PDE4A: variants seen among roughly 807,000 people sequenced by gnomAD.
PDE4A encodes 3',5'-cyclic-AMP phosphodiesterase 4A.
PDE4A carries 21 observed loss-of-function variants against 73.9 expected under a neutral mutation model. The ratio of observed to expected loss-of-function variants is 0.28; its 90% CI spans 0.20 to 0.41. The LOEUF (loss-of-function observed/expected upper bound fraction) is 0.41. Ranked by LOEUF, PDE4A falls within the 10% of genes least tolerant of loss-of-function variation. The probability of loss-of-function intolerance (pLI) is 1.00; values close to 1 mark genes in which losing one functional copy is unlikely to be tolerated. For missense variants in PDE4A, 958 were observed against 1,211.4 expected (o/e 0.79, Z 3.10); for synonymous variants, 463 against 505.4 (o/e 0.92, Z 1.13).
Position 10,437,807 on chromosome 19 carries a change from G to GTTT in PDE4A, c.321-8398_321-8396dup, listed in dbSNP as rs35319180. Among the ~76,000 whole-genome samples, 210 of 128,068 alleles carry GTTT rather than the reference G, an allele frequency of 1.6e-3. 1 individual carries two copies. Among genetic ancestry groups the GTTT allele is most frequent in the East Asian group, 4.7e-3 (21 of 4,442 alleles). 84.0% of individuals were successfully genotyped at this position (128,068 alleles called of 152,430 possible). ...ATCACCACCATCCATCTCCAGGACT[G>GTTT]TTTTTTTTTTTTTTTGAGACAGGGT... On this transcript the variant is annotated intron_variant, in intron 1 of 14. Coordinates refer to ENST00000380702, the MANE Select transcript of PDE4A (RefSeq NM_001111307.2).
At position 10,457,996 on chromosome 19, in the gene PDE4A, T is replaced by C; in HGVS notation, c.995T>C (p.Met332Thr). ...PPPPVPHLQP[M>T]SQITGLKKLM... Reference sequence around the variant, plus strand: ...CCCCCTGTACCACACTTACAGCCCATGTCCCAAATCACAGGGTTGAAAAAG... The same window carrying C: ...CCCCCTGTACCACACTTACAGCCCACGTCCCAAATCACAGGGTTGAAAAAG... Residue 332 changes from methionine (M) to threonine (T), a missense_variant, in exon 8 of 15, where the codon ATG (methionine) becomes ACG (threonine). Coordinates refer to ENST00000380702, the MANE Select transcript of PDE4A (RefSeq NM_001111307.2). The C allele has an allele frequency of 1.3e-6, 2 of 1,584,658 alleles. No individual in the cohort carries two copies. The highest frequency in any genetic ancestry group is 1.7e-6 in the Non-Finnish European group (2 of 1,153,450).
At chr19:10,430,425 C>T (rs1467506867) in intron 1 of PDE4A, among the ~76,000 whole-genome samples, 5 of 151,686 alleles carry the variant, frequency 3.3e-5, no homozygotes, top group African/African-American at 4.8e-5. Flanking sequence ...GGGGGGGTAC[C>T]CCTGGACTTC....
intron 14 of PDE4A, among the ~76,000 whole-genome samples, chr19:10,466,066 A>G (rs1159555348): frequency 1.4e-5 from 2 of 146,256 alleles, no homozygotes; most frequent in Admixed American, 6.9e-5. Context: ...GCAATGGCAC[A>G]ATCTCGGCTC....
intron 6 of PDE4A, among the ~76,000 whole-genome samples, chr19:10,452,239 A>T (rs2043102703): frequency 6.6e-6 from 1 of 151,744 alleles, no homozygotes; most frequent in Non-Finnish European, 1.5e-5. Flanking sequence ...CGGGAGTTCG[A>T]GCAGCCTGAC....
chr19:10,438,070 A>G (rs2042888660), intron 1 of PDE4A, among the ~76,000 whole-genome samples: 1 of 151,368 alleles, frequency 6.6e-6, no homozygotes, highest in African/African-American at 2.4e-5. Flanking sequence ...GGGCCTCCCA[A>G]AGTGCTGGGA....
At chr19:10,418,468 T>C (rs540772232), upstream of PDE4A, among the ~76,000 whole-genome samples, 5 of 149,670 alleles carry the variant, frequency 3.3e-5, no homozygotes, top group Admixed American at 6.7e-5. Context: ...CCCCATGCCC[T>C]CCTCTGGTCA....
rs2043388579 is a variant in PDE4A at position 10,467,139 on chromosome 19, C to T, written c.2179C>T (p.Pro727Ser). Residue 727 changes from proline to serine, a missense_variant, in exon 15 of 15, where the codon CCG becomes TCG. Physicochemically the swap from Pro to Ser is moderately conservative, Grantham distance 74 (BLOSUM62 -1). Coordinates refer to ENST00000380702, the MANE Select transcript of PDE4A (RefSeq NM_001111307.2). ...EEEEISMAQI[P>S]CTAQEALTAQ... Reference sequence around the variant, plus strand: ...GGAAGAAATATCAATGGCCCAGATACCGTGCACAGCCCAAGAGGCATTGAC... The same window carrying T: ...GGAAGAAATATCAATGGCCCAGATATCGTGCACAGCCCAAGAGGCATTGAC... 1.2e-6 allele frequency: 2 copies of T among 1,614,196 alleles called. No homozygotes were observed. Among genetic ancestry groups the T allele is most frequent in the East Asian group, 4.5e-5 (2 of 44,880 alleles).
At chr19:10,429,279 G>GAAGAAAGAAAGA (rs201177635) in intron 1 of PDE4A, among the ~76,000 whole-genome samples, 5 of 120,278 alleles carry the variant, frequency 4.2e-5, no homozygotes, top group South Asian at 6.0e-4. Context: ...AGGAAGGAAG[G>GAAGAAAGAAAGA]AAGAAAGAAA....
At chr19:10,457,824 G>A in intron 7 of PDE4A, 55 bp from the exon 8 acceptor site, 1 of 1,600,916 alleles carries the variant, frequency 6.2e-7, no homozygotes, top group Non-Finnish European at 8.5e-7. Context: ...GAATAAGGGA[G>A]CCTCCAGGGG....
intron 1 of PDE4A, chr19:10,432,418 G>T: frequency 7.1e-7 from 1 of 1,406,626 alleles, no homozygotes; most frequent in Non-Finnish European, 9.2e-7. Flanking sequence ...GCGCCCCGAC[G>T]ACGGCGCTTG....
At chr19:10,430,975 C>T in intron 1 of PDE4A, 1 of 1,553,008 alleles carries the variant, frequency 6.4e-7, no homozygotes, top group Middle Eastern at 1.7e-4. Context: ...CGCCCGCGTT[C>T]GCCGCCCTCC....
chr19:10,467,805 CT>C lies in PDE4A; in HGVS notation c.*191del. 8 of 442,712 alleles carry C rather than the reference CT, an allele frequency of 1.8e-5. No individual in the cohort carries two copies. The highest frequency in any genetic ancestry group is 2.7e-5 in the Non-Finnish European group (7 of 258,040). The allele number at this position is 442,712 out of a possible 1,614,324, so 27.4% of individuals were successfully genotyped here. The stretch of plus-strand genomic sequence containing the variant: ...TTCCCCCTGCCCCCACCCACGGGGC[CT>C]TTTTTTGGAGGTGGGGGCTGGGGAA... On this transcript the variant is annotated 3_prime_UTR_variant, in exon 15 of 15. Transcript: ENST00000380702.
intron 6 of PDE4A, among the ~76,000 whole-genome samples, chr19:10,452,662 A>G (rs1312122433): frequency 6.6e-6 from 1 of 151,490 alleles, no homozygotes; most frequent in African/African-American, 2.4e-5. Context: ...AAAGCATTTG[A>G]GTATCTGTGT....
chr19:10,459,456 T>G lies in PDE4A; in HGVS notation c.1158T>G (p.Ala386=), dbSNP rs1254986554. 6.2e-7 allele frequency: 1 copy of G among 1,614,204 alleles called. No individual in the cohort carries two copies. Among genetic ancestry groups the G allele is most frequent in the Non-Finnish European group, 8.5e-7 (1 of 1,180,008 alleles). The change falls in exon 9 of 15, where the codon GCT becomes GCG. Residue 386 remains alanine (A), a synonymous_variant. Transcript: ENST00000380702. ...GLNIFCVSDY[A]GGRSLTCIMY... is the part of the protein sequence containing the mutation. ...ACATCTTTTGCGTGTCGGATTACGC[T>G]GGAGGCCGCTCACTCACCTGCATCA...
Position 10,424,681 on chromosome 19 carries a change from C to T in PDE4A, c.320+3597C>T, listed in dbSNP as rs1294078464. On this transcript the variant is annotated intron_variant, in intron 1 of 14. Coordinates refer to ENST00000380702, the MANE Select transcript of PDE4A (RefSeq NM_001111307.2). This position sits in a 1 kb window ranked among gnomAD's most constrained non-coding sequence, Gnocchi z 4.8. ...GCAGGCTGCGTGTGGGGTCCTCGCC[C>T]TCCCGGGCTTGGGACCAGGCCGCTT... Among the ~76,000 whole-genome samples, 3 of 152,260 alleles carry T rather than the reference C, an allele frequency of 2.0e-5. No homozygotes were observed. The highest frequency in any genetic ancestry group is 7.2e-5 in the African/African-American group (3 of 41,466).
chr19:10,464,085 G>A, intron 14 of PDE4A, 110 bp downstream of exon 14: 1 of 1,402,540 alleles, frequency 7.1e-7, no homozygotes, highest in Non-Finnish European at 9.8e-7. Context: ...ACAATGCCAA[G>A]TTGTCCTGTT....
chr19:10,441,697 T>A (rs1490884680), intron 1 of PDE4A, among the ~76,000 whole-genome samples: 1 of 146,120 alleles, frequency 6.8e-6, no homozygotes, highest in African/African-American at 2.5e-5. Flanking sequence ...TTTTTTTTTT[T>A]TTTTTTTTTT....
In PDE4A at chr19:10,467,297, G is replaced by A; in HGVS notation, c.2337G>A (p.Leu779=). 1.2e-6 allele frequency: 2 copies of A among 1,614,190 alleles called. No homozygotes were observed. The highest frequency in any genetic ancestry group is 8.5e-7 in the Non-Finnish European group (1 of 1,180,034). The change falls in exon 15 of 15, where the codon TTG becomes TTA. Residue 779 remains leucine, a synonymous_variant. Coordinates refer to ENST00000380702, the MANE Select transcript of PDE4A (RefSeq NM_001111307.2). ...SLEAELEAVY[L]TQQAQSTGSA... The stretch of plus-strand genomic sequence containing the variant: ...AGGCCGAGCTGGAGGCAGTGTATTT[G>A]ACACAGCAGGCACAGTCCACAGGCA...
At chr19:10,434,189 C>T (rs1311943655) in intron 1 of PDE4A, among the ~76,000 whole-genome samples, 1 of 150,252 alleles carries the variant, frequency 6.7e-6, no homozygotes, top group Non-Finnish European at 1.5e-5. Flanking sequence ...TCCTTTCCTT[C>T]TTTCCTTCTT....
Sources: gnomAD v4.1 joint callset for allele counts (sites outside exome capture counted in the v4.1 genomes callset) on GRCh38, gnomAD v4.1.1 for gene constraint, Gnocchi (gnomAD v3.1) non-coding constraint, MANE v1.5 for transcripts, NCBI Gene and HGNC (gene_info 2026-07-23, HGNC 2026-07-21) for gene names.